HDAC9: variants seen among roughly 807,000 people sequenced by gnomAD.
HDAC9 encodes the protein MEF-2 interacting transcription repressor (MITR) protein.
A neutral mutation model predicts 139.4 loss-of-function variants in HDAC9; 41 were observed. The observed-to-expected ratio is 0.29, with a 90% CI of 0.23 to 0.38. The LOEUF is 0.38. Ranked by LOEUF, HDAC9 falls within the 10% of genes least tolerant of loss-of-function variation. HDAC9 has a pLI of 1.00. For missense variants in HDAC9, 1,147 were observed against 1,297.0 expected, an observed-to-expected ratio of 0.88 and a Z score of 1.78; for synonymous variants, 517 against 476.2, an observed-to-expected ratio of 1.09 and a Z score of -1.12.
intron 2 of HDAC9, among the ~76,000 whole-genome samples, chr7:18,208,842 T>G (rs2128166190): frequency 6.6e-6 from 1 of 152,308 alleles, no homozygotes; most frequent in African/African-American, 2.4e-5. Flanking sequence ...AGATACCACA[T>G]AATTATGTGG....
At chr7:18,904,058 T>G (rs1325682592) in intron 22 of HDAC9, among the ~76,000 whole-genome samples, 1 of 152,230 alleles carries the variant, frequency 6.6e-6, no homozygotes, top group Non-Finnish European at 1.5e-5. Flanking sequence ...ACACAATTCC[T>G]GTCCTTCCCC....
At chr7:18,901,219 TATACACACAC>T (rs929059864) in intron 22 of HDAC9, among the ~76,000 whole-genome samples, 8 of 130,884 alleles carry the variant, frequency 6.1e-5, no homozygotes, top group Non-Finnish European at 1.3e-4. Flanking sequence ...TATATATATA[TATACACACAC>T]ACACACACAC....
chr7:18,100,761 T>A (rs756397324), intron 1 of HDAC9, among the ~76,000 whole-genome samples: 2 of 152,070 alleles, frequency 1.3e-5, no homozygotes, highest in Non-Finnish European at 2.9e-5. Context: ...TTGCTATTGG[T>A]TATATTTTCC....
intron 23 of HDAC9, among the ~76,000 whole-genome samples, chr7:18,951,050 C>A (rs562864966): frequency 6.6e-6 from 1 of 151,796 alleles, no homozygotes; most frequent in South Asian, 2.1e-4. Context: ...ATCAGTACAG[C>A]GTAAATTTTA....
chr7:18,993,830 A>C (rs144913195), intron 25 of HDAC9, among the ~76,000 whole-genome samples: 206 of 152,232 alleles, frequency 1.4e-3, no homozygotes, highest in Non-Finnish European at 2.5e-3. Context: ...TGAAAGAGCG[A>C]GAGAGAGAAT....
intron 1 of HDAC9, among the ~76,000 whole-genome samples, chr7:18,345,115 G>A (rs1432059282): frequency 6.6e-6 from 1 of 151,952 alleles, no homozygotes; most frequent in Non-Finnish European, 1.5e-5. Context: ...CCTGTCAGAT[G>A]GTAGTAGGTG....
At chr7:18,386,691 C>G (rs764524227) in intron 1 of HDAC9, among the ~76,000 whole-genome samples, 1 of 152,310 alleles carries the variant, frequency 6.6e-6, no homozygotes, top group Non-Finnish European at 1.5e-5. Context: ...CAACTCATCA[C>G]GATTAAACCA....
intron 1 of HDAC9, among the ~76,000 whole-genome samples, chr7:18,435,537 T>A (rs908134705): frequency 6.6e-6 from 1 of 152,174 alleles, no homozygotes; most frequent in Admixed American, 6.5e-5. Flanking sequence ...ACTAGTATAG[T>A]GCAAATATTA....
intron 1 of HDAC9, among the ~76,000 whole-genome samples, chr7:18,124,289 A>G (rs889556008): frequency 6.6e-6 from 1 of 152,196 alleles, no homozygotes; most frequent in African/African-American, 2.4e-5. Flanking sequence ...CCATACAGCA[A>G]TAGCCTAGGG....
At chr7:18,425,405 G>A (rs1487843041) in intron 1 of HDAC9, among the ~76,000 whole-genome samples, 2 of 152,186 alleles carry the variant, frequency 1.3e-5, no homozygotes, top group African/African-American at 4.8e-5. Flanking sequence ...ATGCAGAGCT[G>A]AAGGTGGCAT....
At chr7:18,542,027 G>T (rs1246057968) in intron 2 of HDAC9, among the ~76,000 whole-genome samples, 4 of 152,070 alleles carry the variant, frequency 2.6e-5, no homozygotes, top group African/African-American at 9.7e-5. Flanking sequence ...ATTGCAGGAT[G>T]TTTAGCAGCG....
At chr7:18,239,539 C>T (rs143693515) in intron 2 of HDAC9, among the ~76,000 whole-genome samples, 6 of 152,222 alleles carry the variant, frequency 3.9e-5, no homozygotes, top group African/African-American at 1.4e-4. Context: ...GGTTTTTTTC[C>T]TTCACCCGTA....
chr7:18,356,358 G>GTTT (rs5882659), intron 1 of HDAC9, among the ~76,000 whole-genome samples: 10,336 of 55,022 alleles, frequency 0.19, 2,386 homozygotes, highest in Admixed American at 0.23. Context: ...CAGCACATAG[G>GTTT]TTTTTTTTTT....
chr7:18,916,056 C>A (rs1803181375), intron 22 of HDAC9, among the ~76,000 whole-genome samples: 1 of 146,608 alleles, frequency 6.8e-6, no homozygotes, highest in Admixed American at 6.8e-5. Flanking sequence ...AGACAAAGAA[C>A]CTTAGTCGTT....
intron 2 of HDAC9, among the ~76,000 whole-genome samples, chr7:18,579,244 T>C (rs1262865816): frequency 6.6e-6 from 1 of 152,202 alleles, no homozygotes; most frequent in Non-Finnish European, 1.5e-5. Flanking sequence ...AAGGAGTTGA[T>C]GGAAGGTATC....
chr7:18,244,368 C>T (rs1034701147), intron 2 of HDAC9, among the ~76,000 whole-genome samples: 3 of 152,210 alleles, frequency 2.0e-5, no homozygotes, highest in African/African-American at 7.2e-5. Flanking sequence ...AAAATGCAAA[C>T]AGATTTCCAT....
intron 2 of HDAC9, among the ~76,000 whole-genome samples, chr7:18,201,952 TC>T (rs1414550980): frequency 6.6e-5 from 10 of 152,180 alleles, no homozygotes; most frequent in African/African-American, 2.2e-4. Flanking sequence ...TCAGAATACT[TC>T]CCAGTAATGG....
At position 18,752,592 on chromosome 7, in the gene HDAC9, A is replaced by T. The variant is rs569264054; in HGVS notation, c.2043+3454A>T. On this transcript the variant is annotated intron_variant, in intron 14 of 25. Transcript: ENST00000686413. The stretch of plus-strand genomic sequence containing the variant: ...TGCTAACTGGGACTCCAAGGATTTG[A>T]GTACCAGGCGGGATGTCTTAGGTTA... Among the ~76,000 whole-genome samples, 127 of 152,268 alleles carry T rather than the reference A, an allele frequency of 8.3e-4. 3 individuals carry two copies. The South Asian group carries it at 0.025, about 30-fold the overall frequency.
Position 18,670,950 on chromosome 7 carries a change from G to A in HDAC9, c.1731+4474G>A, listed in dbSNP as rs146398256. On this transcript the variant is annotated intron_variant, in intron 12 of 25. Coordinates refer to ENST00000686413, the MANE Select transcript of HDAC9 (RefSeq NM_178425.4). The stretch of plus-strand genomic sequence containing the variant: ...ACATTTTATTCAACCATTTTTAATC[G>A]TGAAAATCTGTAGCCTTCTTTTTTC... Among the ~76,000 whole-genome samples, 934 of 150,862 alleles carry A rather than the reference G, an allele frequency of 6.2e-3. 10 individuals carry two copies. Among genetic ancestry groups the A allele is most frequent in the African/African-American group, 0.022 (890 of 41,056 alleles).
Sources: allele counts gnomAD v4.1 joint callset (sites outside exome capture counted in the v4.1 genomes callset), GRCh38; gene constraint gnomAD v4.1.1; transcripts MANE v1.5; gene names NCBI Gene and HGNC (gene_info 2026-07-23, HGNC 2026-07-21).